ARHGAP42: variants seen among roughly 807,000 people sequenced by gnomAD.
The protein encoded by ARHGAP42 is rho GTPase-activating protein 42.
A neutral mutation model predicts 125.0 loss-of-function variants in ARHGAP42; 63 were observed. The ratio of observed to expected loss-of-function variants is 0.50; its 90% CI spans 0.41 to 0.62. The LOEUF (loss-of-function observed/expected upper bound fraction) is 0.62. Ranked by LOEUF, ARHGAP42 falls within the 20% of genes least tolerant of loss-of-function variation. The probability of loss-of-function intolerance (pLI) is 0.00; values close to 1 mark genes in which losing one functional copy is unlikely to be tolerated. For synonymous variants in ARHGAP42, 339 were observed against 351.0 expected (o/e 0.97, Z 0.38); for missense variants, 766 against 1,024.2 (o/e 0.75, Z 3.44).
chr11:100,745,897 T>G (rs1036060430), intron 1 of ARHGAP42, among the ~76,000 whole-genome samples: 12 of 152,340 alleles, frequency 7.9e-5, no homozygotes, highest in African/African-American at 2.9e-4. Context: ...CTCAAATCCT[T>G]CAGCTATTTG....
At chr11:100,699,450 T>C (rs1481144664) in intron 1 of ARHGAP42, among the ~76,000 whole-genome samples, 3 of 146,136 alleles carry the variant, frequency 2.1e-5, no homozygotes, top group Admixed American at 6.9e-5. Context: ...AATGATTTTT[T>C]TCTTAGCTTA....
chr11:100,711,636 G>T (rs1861567235), intron 1 of ARHGAP42, among the ~76,000 whole-genome samples: 1 of 152,216 alleles, frequency 6.6e-6, no homozygotes, highest in South Asian at 2.1e-4. Context: ...GGGATTACAG[G>T]CGTGAGCCAC....
chr11:100,875,107 CTG>C (rs67247250), intron 4 of ARHGAP42, among the ~76,000 whole-genome samples: 2,609 of 81,510 alleles, frequency 0.032, 31 homozygotes, highest in Middle Eastern at 0.045. Flanking sequence ...CTCTCTCTCT[CTG>C]TGTGTGTGTG....
intron 5 of ARHGAP42, among the ~76,000 whole-genome samples, chr11:100,921,256 T>G (rs1349275113): frequency 1.1e-5 from 1 of 90,974 alleles, no homozygotes; most frequent in African/African-American, 3.7e-5. Flanking sequence ...TTTTTTTTTT[T>G]TTTTTTTTTT....
At chr11:100,943,711 C>G in intron 9 of ARHGAP42, 48 bp from the exon 10 acceptor site, 1 of 1,274,838 alleles carries the variant, frequency 7.8e-7, no homozygotes, top group Non-Finnish European at 1.1e-6. Context: ...TAATATATTT[C>G]AATTCACTTG....
intron 3 of ARHGAP42, among the ~76,000 whole-genome samples, chr11:100,798,823 G>A (rs1040675130): frequency 2.0e-5 from 3 of 152,176 alleles, no homozygotes; most frequent in African/African-American, 7.2e-5. Context: ...CTGTGACACA[G>A]TATGGTATTA....
chr11:100,904,619 C>A (rs985739295), intron 4 of ARHGAP42, among the ~76,000 whole-genome samples: 3 of 151,934 alleles, frequency 2.0e-5, no homozygotes, highest in African/African-American at 7.3e-5. Context: ...TTCTTTTGTC[C>A]TTTTTCTCCT....
chr11:100,903,750 A>G (rs1363289053), intron 4 of ARHGAP42, among the ~76,000 whole-genome samples: 3 of 115,356 alleles, frequency 2.6e-5, no homozygotes, highest in Non-Finnish European at 3.6e-5. Context: ...ATATATATAT[A>G]TATATGTATG....
At chr11:100,805,163 C>A (rs558648559) in intron 3 of ARHGAP42, among the ~76,000 whole-genome samples, 1 of 152,264 alleles carries the variant, frequency 6.6e-6, no homozygotes, top group African/African-American at 2.4e-5. Context: ...ATAGCCATTT[C>A]AAAGAAGAGG....
intron 1 of ARHGAP42, among the ~76,000 whole-genome samples, chr11:100,732,582 C>T (rs1465125739): frequency 6.6e-6 from 1 of 152,114 alleles, no homozygotes; most frequent in East Asian, 1.9e-4. Context: ...ACTGACTTCT[C>T]GGGTGGAGCC....
At chr11:100,795,659 A>G (rs1863692940) in intron 3 of ARHGAP42, among the ~76,000 whole-genome samples, 1 of 152,232 alleles carries the variant, frequency 6.6e-6, no homozygotes, top group African/African-American at 2.4e-5. Flanking sequence ...ATGGATGAAT[A>G]TATGCAAAGG....
chr11:100,980,634 G>A (rs574271315), intron 22 of ARHGAP42, among the ~76,000 whole-genome samples: 6 of 132,030 alleles, frequency 4.5e-5, no homozygotes, highest in South Asian at 4.9e-4. Flanking sequence ...GCAGTGGTGC[G>A]ATCTTGGCTC....
intron 4 of ARHGAP42, among the ~76,000 whole-genome samples, chr11:100,870,159 G>T (rs1317837794): frequency 2.0e-5 from 3 of 152,118 alleles, no homozygotes; most frequent in African/African-American, 7.2e-5. Context: ...CTGTTTTCTA[G>T]CAATGAAGTC....
chr11:100,886,237 A>G (rs644635), intron 4 of ARHGAP42, among the ~76,000 whole-genome samples: 84,813 of 152,076 alleles, frequency 0.56, 25,538 homozygotes, highest in African/African-American at 0.73. Flanking sequence ...GTTAGTTATT[A>G]TCTCACAGCT....
chr11:100,910,484 T>C (rs1453259847), intron 4 of ARHGAP42, among the ~76,000 whole-genome samples: 1 of 152,134 alleles, frequency 6.6e-6, no homozygotes, highest in Non-Finnish European at 1.5e-5. Flanking sequence ...AATAATGCCA[T>C]ATCAATAAGA....
chr11:100,860,268 G>A (rs761760489), intron 4 of ARHGAP42, among the ~76,000 whole-genome samples: 7 of 151,872 alleles, frequency 4.6e-5, no homozygotes, highest in East Asian at 1.9e-4. Flanking sequence ...AGTCAATGTC[G>A]TATCCCTTCC....
Position 100,976,091 on chromosome 11 carries a change from T to C in ARHGAP42, c.1890T>C (p.Pro630=), listed in dbSNP as rs1203001244. The C allele has an allele frequency of 6.5e-7, 1 of 1,546,212 alleles. No individual in the cohort carries two copies. The highest frequency in any genetic ancestry group is 8.7e-7 in the Non-Finnish European group (1 of 1,144,332). Residue 630 remains proline, a synonymous_variant, in exon 20 of 24, where the codon CCT becomes CCC. Coordinates refer to ENST00000298815, the MANE Select transcript of ARHGAP42 (RefSeq NM_152432.4). The part of the protein sequence containing the change: ...DSYSSSPDST[P]MGSIESLSSH... ...ATAGCAGCAGCCCAGACAGCACACC[T>C]ATGGGGAGCATTGAGTCACTCTCTT...
At chr11:100,763,807 G>T (rs1321544601) in intron 1 of ARHGAP42, among the ~76,000 whole-genome samples, 1 of 152,014 alleles carries the variant, frequency 6.6e-6, no homozygotes, top group East Asian at 1.9e-4. Context: ...CTTTTAACAT[G>T]GTGTTTTATA....
intron 17 of ARHGAP42, among the ~76,000 whole-genome samples, chr11:100,971,436 C>T (rs995145893): frequency 3.3e-5 from 5 of 152,104 alleles, no homozygotes; most frequent in African/African-American, 1.2e-4. Context: ...TTCCAGGAGA[C>T]AGCAGTTGAG....
Sources: gnomAD v4.1 joint callset for allele counts (sites outside exome capture counted in the v4.1 genomes callset) on GRCh38, gnomAD v4.1.1 for gene constraint, MANE v1.5 for transcripts, NCBI Gene and HGNC (gene_info 2026-07-23, HGNC 2026-07-21) for gene names.